PRKN: variants seen among roughly 807,000 people sequenced by gnomAD.
PRKN encodes the protein E3 ubiquitin-protein ligase parkin.
PRKN carries 56 observed loss-of-function variants against 59.5 expected under a neutral mutation model. The observed-to-expected ratio is 0.94, with a 90% confidence interval of 0.76 to 1.18. The LOEUF is 1.18. Ranked by LOEUF, PRKN falls within the 50% of genes most tolerant of loss-of-function variation. The probability of loss-of-function intolerance (pLI) is 0.00; values close to 1 mark genes in which losing one functional copy is unlikely to be tolerated. For synonymous variants in PRKN, 250 were observed against 222.1 expected, an observed-to-expected ratio of 1.13 and a Z score of -1.12; for missense variants, 657 against 596.4, an observed-to-expected ratio of 1.10 and a Z score of -1.06.
chr6:162,544,619 T>C (rs1197390822), intron 1 of PRKN, among the ~76,000 whole-genome samples: 1 of 151,978 alleles, frequency 6.6e-6, no homozygotes, highest in Non-Finnish European at 1.5e-5. Flanking sequence ...GCACAGAATG[T>C]TCTCTCCTAT....
chr6:162,392,848 G>C (rs546188186), intron 2 of PRKN, among the ~76,000 whole-genome samples: 2 of 152,266 alleles, frequency 1.3e-5, no homozygotes, highest in African/African-American at 4.8e-5. Context: ...ACTTGTATTT[G>C]AGAATACACA....
chr6:161,469,988 A>G (rs1790701838), intron 9 of PRKN, among the ~76,000 whole-genome samples: 1 of 152,232 alleles, frequency 6.6e-6, no homozygotes, highest in African/African-American at 2.4e-5. Flanking sequence ...CAAAGTGCTT[A>G]CTATGAACCG....
intron 6 of PRKN, among the ~76,000 whole-genome samples, chr6:161,874,861 A>G (rs1432974336): frequency 8.8e-6 from 1 of 113,526 alleles, no homozygotes; most frequent in Non-Finnish European, 1.6e-5. Context: ...TAAAATATAT[A>G]TAAAATGTAA....
intron 10 of PRKN, among the ~76,000 whole-genome samples, chr6:161,367,558 T>C (rs1785259794): frequency 6.6e-6 from 1 of 152,058 alleles, no homozygotes. Context: ...GTTATCTAAC[T>C]TAGAAGTCAA....
chr6:161,833,516 C>T (rs1409949225), intron 6 of PRKN, among the ~76,000 whole-genome samples: 3 of 151,704 alleles, frequency 2.0e-5, no homozygotes, highest in African/African-American at 7.3e-5. Flanking sequence ...TTTTTTTTTC[C>T]CTGGGCTGCC....
At chr6:161,845,114 G>T (rs1410451768) in intron 6 of PRKN, among the ~76,000 whole-genome samples, 1 of 152,184 alleles carries the variant, frequency 6.6e-6, no homozygotes, top group Non-Finnish European at 1.5e-5. Context: ...CTCTCTGACT[G>T]AAAATCAATC....
chr6:162,541,804 G>A (rs563877751), intron 1 of PRKN, among the ~76,000 whole-genome samples: 2 of 152,246 alleles, frequency 1.3e-5, no homozygotes, highest in East Asian at 3.9e-4. Context: ...AAGTATAAGA[G>A]TTAAAAACGA....
At chr6:162,283,378 G>T (rs1341432996) in intron 2 of PRKN, among the ~76,000 whole-genome samples, 1 of 152,040 alleles carries the variant, frequency 6.6e-6, no homozygotes, top group Non-Finnish European at 1.5e-5. Flanking sequence ...GTGTGAGTGT[G>T]TGTGTTTGTA....
intron 7 of PRKN, among the ~76,000 whole-genome samples, chr6:161,585,083 C>T (rs960183679): frequency 5.9e-5 from 9 of 152,126 alleles, no homozygotes; most frequent in African/African-American, 1.7e-4. Context: ...GAAAAAAGCC[C>T]GGTTATCTAA....
chr6:162,066,510 C>A (rs540869973), intron 4 of PRKN, among the ~76,000 whole-genome samples: 2 of 152,142 alleles, frequency 1.3e-5, no homozygotes, highest in African/African-American at 2.4e-5. Flanking sequence ...TAATGGAAAG[C>A]GTTTAAGTCA....
At chr6:162,692,600 G>A (rs1451011021) in intron 1 of PRKN, among the ~76,000 whole-genome samples, 1 of 149,654 alleles carries the variant, frequency 6.7e-6, no homozygotes, top group African/African-American at 2.5e-5. Context: ...TGACCACCAA[G>A]GCTCAGTGAC....
intron 7 of PRKN, among the ~76,000 whole-genome samples, chr6:161,603,437 T>C (rs1782174160): frequency 6.6e-6 from 1 of 152,242 alleles, no homozygotes; most frequent in Admixed American, 6.5e-5. Flanking sequence ...AAATTTATCC[T>C]ATAAAAGCTT....
rs758406662 is a variant in PRKN, at chr6:161,428,993, G to A, written c.1084-42116C>T. 6.6e-6 allele frequency among the ~76,000 whole-genome samples: 1 copy of A among 152,156 alleles called. No individual in the cohort carries two copies. Among genetic ancestry groups the A allele is most frequent in the African/African-American group, 2.4e-5 (1 of 41,434 alleles). On this transcript the variant is annotated intron_variant, in intron 9 of 11. Coordinates refer to ENST00000366898, the MANE Select transcript of PRKN (RefSeq NM_004562.3). This position sits in a 1 kb window ranked among gnomAD's most constrained non-coding sequence, Gnocchi z 4.0. ...GCTGGCAGACCAGCTCAGGTCAGCTGGTTCAAGAAGGGGGAAAGTTTTGCT... is the reference window on the plus strand; with the variant it reads ...GCTGGCAGACCAGCTCAGGTCAGCTAGTTCAAGAAGGGGGAAAGTTTTGCT...
intron 7 of PRKN, among the ~76,000 whole-genome samples, chr6:161,690,856 A>C (rs1562610890): frequency 6.6e-6 from 1 of 152,208 alleles, no homozygotes; most frequent in Non-Finnish European, 1.5e-5. Context: ...TCCAGCTTGC[A>C]GATGGCAGAT....
At chr6:161,496,362 G>A (rs6909919) in intron 9 of PRKN, among the ~76,000 whole-genome samples, 65,930 of 152,108 alleles carry the variant, frequency 0.43, 15,389 homozygotes, top group African/African-American at 0.6. Flanking sequence ...TCAAGGTAAG[G>A]TGTATTAGTC....
At chr6:161,714,457 G>A (rs1338123077) in intron 7 of PRKN, among the ~76,000 whole-genome samples, 6 of 152,264 alleles carry the variant, frequency 3.9e-5, no homozygotes, top group Admixed American at 1.3e-4. Context: ...AGGTGTCATC[G>A]TGCAAGCAGA....
At chr6:161,926,017 T>G (rs937258852) in intron 6 of PRKN, among the ~76,000 whole-genome samples, 10 of 152,206 alleles carry the variant, frequency 6.6e-5, no homozygotes, top group Non-Finnish European at 1.2e-4. Context: ...AATAGCTTTC[T>G]CTAAACCACT....
intron 1 of PRKN, among the ~76,000 whole-genome samples, chr6:162,481,962 G>A (rs1792328722): frequency 6.6e-6 from 1 of 152,006 alleles, no homozygotes; most frequent in Non-Finnish European, 1.5e-5. Flanking sequence ...AATACCAAAG[G>A]AGTAATCTGG....
rs2115427308 is a variant in PRKN, at chr6:161,549,125, T to C, written c.934-122A>G. 7 of 772,538 alleles carry C rather than the reference T, an allele frequency of 9.1e-6. No homozygotes were observed. In the East Asian group the frequency reaches 1.9e-4, roughly 20 times the overall value. The allele number at this position is 772,538 out of a possible 1,614,324, so 47.9% of individuals were successfully genotyped here. A position where few individuals can be genotyped will look rare whatever the true frequency, so the allele number is the denominator to read the frequency against. On this transcript the variant is annotated intron_variant, in intron 8 of 11. Transcript: ENST00000366898. The surrounding 1 kb of genome is among the most constrained non-coding windows in gnomAD (Gnocchi z 6.0). The stretch of plus-strand genomic sequence containing the variant: ...GTTTCAGTAAAATAATGCATGTGTG[T>C]GTGTGTGTGTGTGTGTAGGGGGAGG...
Sources: allele counts gnomAD v4.1 joint callset (sites outside exome capture counted in the v4.1 genomes callset), GRCh38; gene constraint gnomAD v4.1.1; non-coding constraint Gnocchi (gnomAD v3.1); transcripts MANE v1.5; gene names NCBI Gene and HGNC (gene_info 2026-07-23, HGNC 2026-07-21).